STPG2: variants seen among roughly 807,000 people sequenced by gnomAD.
STPG2 encodes sperm tail PG-rich repeat containing 2.
In STPG2, 56 loss-of-function variants were observed where a neutral mutation model predicts 54.2. The ratio of observed to expected loss-of-function variants is 1.03; its 90% CI spans 0.83 to 1.29. The LOEUF (loss-of-function observed/expected upper bound fraction) is 1.29, where lower values mean the gene tolerates loss of function less well. Ranked by LOEUF, STPG2 falls within the 50% of genes most tolerant of loss-of-function variation. The probability of loss-of-function intolerance (pLI) is 0.00; values close to 1 mark genes in which losing one functional copy is unlikely to be tolerated. For synonymous variants in STPG2, 200 were observed against 181.8 expected, an observed-to-expected ratio of 1.10 and a Z score of -0.81; for missense variants, 596 against 544.9, an observed-to-expected ratio of 1.09 and a Z score of -0.93.
chr4:97,562,652 G>T (rs1225656451), intron 10 of STPG2, among the ~76,000 whole-genome samples: 26 of 152,108 alleles, frequency 1.7e-4, no homozygotes, highest in Admixed American at 1.6e-3. Flanking sequence ...TTAGCATGAA[G>T]GGTTGTTGAA....
chr4:97,643,027 A>G (rs1721808782), intron 10 of STPG2, among the ~76,000 whole-genome samples: 1 of 151,536 alleles, frequency 6.6e-6, no homozygotes, highest in Admixed American at 6.6e-5. Context: ...GAATCAATCA[A>G]TCATGTGATT....
chr4:97,501,588 T>C (rs1730726445), intron 4 of STPG2, among the ~76,000 whole-genome samples: 1 of 151,644 alleles, frequency 6.6e-6, no homozygotes, highest in Non-Finnish European at 1.5e-5. Context: ...CCTAGCTACA[T>C]TGAGACTGAG....
At position 97,712,806 on chromosome 4, in the gene STPG2, C is replaced by T. The variant is rs1724167334; in HGVS notation, c.1213G>A (p.Ala405Thr). ...EKVTDGPGPA[A>T]YNPVLRKSCP... The stretch of plus-strand genomic sequence containing the variant: ...GATTTCCTTAAAACAGGATTGTATG[C>T]TGCAGGACCTGAGAGACAACAAATG... Residue 405 changes from alanine (A) to threonine (T), a missense_variant, in exon 10 of 11, where the codon GCA becomes ACA. Ala to Thr is a moderately conservative substitution (Grantham distance 58). Coordinates refer to ENST00000295268, the MANE Select transcript of STPG2 (RefSeq NM_174952.3). 6.3e-7 allele frequency: 1 copy of T among 1,589,126 alleles called. No individual in the cohort carries two copies. The highest frequency in any genetic ancestry group is 8.6e-7 in the Non-Finnish European group (1 of 1,167,102).
intron 10 of STPG2, among the ~76,000 whole-genome samples, chr4:97,593,793 C>G (rs1733208742): frequency 6.6e-6 from 1 of 152,122 alleles, no homozygotes. Flanking sequence ...ACACCTCAGC[C>G]CCTCAAATGC....
chr4:98,091,617 G>A (rs1051254122), intron 5 of STPG2, among the ~76,000 whole-genome samples: 1 of 152,042 alleles, frequency 6.6e-6, no homozygotes, highest in Non-Finnish European at 1.5e-5. Flanking sequence ...ATTGAGGAAT[G>A]TGAACTCCTT....
At chr4:97,502,573 C>A (rs897914428) in intron 4 of STPG2, among the ~76,000 whole-genome samples, 1 of 150,754 alleles carries the variant, frequency 6.6e-6, no homozygotes, top group Non-Finnish European at 1.5e-5. Context: ...TCCAGACAAA[C>A]AAAAGATGAT....
intron 9 of STPG2, among the ~76,000 whole-genome samples, chr4:97,797,397 AG>A (rs1372585934): frequency 1.3e-5 from 2 of 152,182 alleles, no homozygotes; most frequent in African/African-American, 2.4e-5. Flanking sequence ...TTTAGCATGA[AG>A]GGCTGTTGAA....
At chr4:98,031,383 A>T (rs1174903364) in intron 5 of STPG2, among the ~76,000 whole-genome samples, 4 of 152,158 alleles carry the variant, frequency 2.6e-5, no homozygotes, top group East Asian at 1.9e-4. Context: ...ATGCAATTTT[A>T]AAAAAAGTAA....
rs144134768 is a variant in STPG2 at position 97,938,220 on chromosome 4, T to C, written c.1044+5677A>G. Among the ~76,000 whole-genome samples the C allele has an allele frequency of 5.8e-4, 89 of 152,250 alleles. No individual in the cohort carries two copies. In the East Asian group the frequency reaches 7.0e-3, roughly 12 times the overall value. ...GTGGGGAATATCTCCTGGAACCAAG[T>C]AGTCCAGTCTCCCTGGCACCAGCAG... On this transcript the variant is annotated intron_variant, in intron 8 of 10. Transcript: ENST00000295268.
intron 9 of STPG2, among the ~76,000 whole-genome samples, chr4:97,813,932 A>G (rs1419459731): frequency 6.6e-6 from 1 of 152,098 alleles, no homozygotes; most frequent in Non-Finnish European, 1.5e-5. Flanking sequence ...AGTCACAATT[A>G]GAATGCATTC....
At chr4:98,005,622 T>C (rs1314753682) in intron 5 of STPG2, among the ~76,000 whole-genome samples, 1 of 152,206 alleles carries the variant, frequency 6.6e-6, no homozygotes, top group African/African-American at 2.4e-5. Flanking sequence ...TATGCATCTA[T>C]TGAGATACTG....
At chr4:97,929,616 T>C (rs1271232256) in intron 8 of STPG2, among the ~76,000 whole-genome samples, 3 of 152,216 alleles carry the variant, frequency 2.0e-5, no homozygotes, top group Non-Finnish European at 4.4e-5. Flanking sequence ...TTTGAATTTC[T>C]CTAATTATCA....
At chr4:97,716,114 A>G (rs1198812507) in intron 9 of STPG2, among the ~76,000 whole-genome samples, 1 of 152,246 alleles carries the variant, frequency 6.6e-6, no homozygotes, top group African/African-American at 2.4e-5. Flanking sequence ...TGGTCATTAG[A>G]TAAATGTAAA....
At chr4:97,479,022 A>T (rs995546741) in intron 4 of STPG2, among the ~76,000 whole-genome samples, 1 of 151,890 alleles carries the variant, frequency 6.6e-6, no homozygotes, top group Non-Finnish European at 1.5e-5. Context: ...CAACAACAGC[A>T]TACAAACACA....
intron 3 of STPG2, among the ~76,000 whole-genome samples, chr4:98,126,687 T>C (rs1203358699): frequency 6.6e-6 from 1 of 152,218 alleles, no homozygotes. Flanking sequence ...TGCTTCTAAT[T>C]GGCCATCTTC....
At chr4:98,029,496 C>A (rs1242294489) in intron 5 of STPG2, among the ~76,000 whole-genome samples, 2 of 152,126 alleles carry the variant, frequency 1.3e-5, no homozygotes, top group East Asian at 3.8e-4. Context: ...ATAGCCACTA[C>A]AGCATTTTTA....
chr4:97,762,362 G>C (rs115749629), intron 9 of STPG2, among the ~76,000 whole-genome samples: 1 of 151,980 alleles, frequency 6.6e-6, no homozygotes, highest in African/African-American at 2.4e-5. Context: ...CAATCTTTAC[G>C]GGAACATTAG....
chr4:98,083,246 A>G (rs989057905), intron 5 of STPG2, among the ~76,000 whole-genome samples: 2 of 152,198 alleles, frequency 1.3e-5, no homozygotes, highest in Admixed American at 6.5e-5. Context: ...CTGAAAAATA[A>G]ATGGTAAATC....
chr4:98,089,485 C>A (rs185616146), intron 5 of STPG2, among the ~76,000 whole-genome samples: 1 of 151,924 alleles, frequency 6.6e-6, no homozygotes, highest in Non-Finnish European at 1.5e-5. Flanking sequence ...CATATCTTTG[C>A]AATTGCGAAC....
Sources: gnomAD v4.1 joint callset for allele counts (sites outside exome capture counted in the v4.1 genomes callset) on GRCh38, gnomAD v4.1.1 for gene constraint, MANE v1.5 for transcripts, NCBI Gene and HGNC (gene_info 2026-07-23, HGNC 2026-07-21) for gene names.